Variants in NOS1 observed in about 807,000 individuals in gnomAD.
NOS1 encodes NOS type I.
Under a neutral mutation model 164.5 loss-of-function variants are expected in NOS1, and 51 were observed. That is an observed-to-expected ratio of 0.31 (90% CI 0.25 to 0.39). The LOEUF is 0.39. NOS1 is among the 10% of genes least tolerant of loss of function. The probability of loss-of-function intolerance (pLI) is 1.00; values close to 1 mark genes in which losing one functional copy is unlikely to be tolerated. For synonymous variants in NOS1, 719 were observed against 745.8 expected (o/e 0.96, Z 0.59); for missense variants, 1,362 against 1,885.6 (o/e 0.72, Z 5.14).
Position 117,328,742 on chromosome 12 carries a change from G to C in NOS1, c.725+1603C>G, listed in dbSNP as rs116776368. 2.8e-3 allele frequency among the ~76,000 whole-genome samples: 426 copies of C among 152,210 alleles called. 4 individuals are homozygous for C. The highest frequency in any genetic ancestry group is 9.8e-3 in the African/African-American group (405 of 41,528). ...ATCACGCCCAGCTAATCCCTTTCCT[G>C]CTTTCTTTATCTCCTTTACATATAT... On this transcript the variant is annotated intron_variant, in intron 2 of 28. Coordinates refer to ENST00000317775, the MANE Select transcript of NOS1 (RefSeq NM_000620.5).
chr12:117,234,637 G>T lies in NOS1; in HGVS notation c.3163C>A (p.Arg1055=). 6.2e-7 allele frequency: 1 copy of T among 1,614,158 alleles called. No homozygotes were observed. The highest frequency in any genetic ancestry group is 8.5e-7 in the Non-Finnish European group (1 of 1,180,002). The change falls in exon 21 of 29, where the codon CGG becomes AGG. Residue 1055 remains arginine (R), a synonymous_variant. Transcript: ENST00000317775. This position sits in a 1 kb window ranked among gnomAD's most constrained non-coding sequence, Gnocchi z 4.3. ...HEDLVNALIE[R]LEDAPPVNQM... ...TTGACAGGCGGCGCGTCCTCCAGCC[G>T]CTCGATCAGGGCATTCACGAGGTCC...
Position 117,284,151 on chromosome 12 carries a change from A to C in NOS1, c.1382+1090T>G, listed in dbSNP as rs1210282842. 2.0e-5 allele frequency among the ~76,000 whole-genome samples: 3 copies of C among 152,332 alleles called. No individual in the cohort carries two copies. The East Asian group carries it at 5.8e-4, about 29-fold the overall frequency. ...AAGAAAACCCATGTTTCATGCAAAG[A>C]AGCCACTTTTGGATGAACTCAGTGA... On this transcript the variant is annotated intron_variant, in intron 7 of 28. Transcript: ENST00000317775.
At position 117,209,108 on chromosome 12, in the gene NOS1, A is replaced by C; in HGVS notation, c.*6201T>G. 1 of 985,320 alleles carries C rather than the reference A, an allele frequency of 1.0e-6. No individual in the cohort carries two copies. Among genetic ancestry groups the C allele is most frequent in the Non-Finnish European group, 1.2e-6 (1 of 829,926 alleles). 61.0% of individuals were successfully genotyped at this position (985,320 alleles called of 1,614,324 possible). A position where few individuals can be genotyped will look rare whatever the true frequency, so the allele number is the denominator to read the frequency against. ...ATCCCACTTTGGCAGCAGATAATGG[A>C]AACAACCACTGGGCTAGGCAAAGTT... On this transcript the variant is annotated 3_prime_UTR_variant, in exon 29 of 29. Transcript: ENST00000317775.
Position 117,227,600 on chromosome 12 carries a change from G to A in NOS1, c.3447C>T (p.Pro1149=). ...EYEEWKWGKN[P]TIVEVLEEFP... ...ACTCCTCCAGCACCTCCACGATGGT[G>A]GGGTTCTTGCCCCATTTCCATTCCT... Residue 1149 remains proline (P), a synonymous_variant, in exon 23 of 29, where the codon CCC becomes CCT. Transcript: ENST00000317775. 6.2e-7 allele frequency: 1 copy of A among 1,614,056 alleles called. No homozygotes were observed. The highest frequency in any genetic ancestry group is 8.5e-7 in the Non-Finnish European group (1 of 1,179,952).
intron 1 of NOS1, among the ~76,000 whole-genome samples, chr12:117,343,016 G>A (rs774741717): frequency 6.6e-6 from 1 of 152,114 alleles, no homozygotes; most frequent in Non-Finnish European, 1.5e-5. Flanking sequence ...AGGATTTCCT[G>A]AGAGAGGGAA....
intron 16 of NOS1, chr12:117,256,160 T>C: frequency 2.1e-6 from 1 of 471,102 alleles, no homozygotes; most frequent in Non-Finnish European, 3.7e-6. Context: ...ACTAAGATGC[T>C]GGAGTTGGGC....
At chr12:117,357,007 A>G (rs1012969610) in intron 1 of NOS1, among the ~76,000 whole-genome samples, 2 of 152,186 alleles carry the variant, frequency 1.3e-5, no homozygotes, top group African/African-American at 4.8e-5. Flanking sequence ...CAGAAGTTAT[A>G]CCTGATAGGT....
At chr12:117,251,792 C>A (rs139113890) in intron 17 of NOS1, among the ~76,000 whole-genome samples, 1 of 151,172 alleles carries the variant, frequency 6.6e-6, no homozygotes, top group Admixed American at 6.6e-5. Context: ...AATGCAGTGG[C>A]GCCATCTCGG....
chr12:117,258,437 T>C lies in NOS1; in HGVS notation c.2491A>G (p.Met831Val). Residue 831 changes from methionine (M) to valine (V), a missense_variant, in exon 16 of 29, where the codon ATG becomes GTG. Met to Val is a conservative substitution (Grantham distance 21, BLOSUM62 1). This residue lies in a region of NOS1 where 737 missense variants were observed against 1,030.3 expected (regional missense o/e 0.72). Coordinates refer to ENST00000317775, the MANE Select transcript of NOS1 (RefSeq NM_000620.5). ...ACAGAGTTGGGGTGCCTCATTTCCA[T>C]CAAAGCACAGCCGAATTTCTGGAAG... is the stretch of plus-strand genomic sequence containing the variant. The part of the protein sequence containing the change: ...ENGEKFGCAL[M>V]EMRHPNSVQE... The C allele has an allele frequency of 6.2e-7, 1 of 1,614,140 alleles. No individual in the cohort carries two copies. Among genetic ancestry groups the C allele is most frequent in the Non-Finnish European group, 8.5e-7 (1 of 1,180,014 alleles).
intron 2 of NOS1, among the ~76,000 whole-genome samples, chr12:117,325,079 C>A (rs1351712232): frequency 6.6e-6 from 1 of 152,182 alleles, no homozygotes; most frequent in Non-Finnish European, 1.5e-5. Context: ...CCCCGACTGG[C>A]GTGTGTGTCC....
At chr12:117,217,749 AG>A (rs2135919347) in intron 28 of NOS1, among the ~76,000 whole-genome samples, 2 of 151,748 alleles carry the variant, frequency 1.3e-5, no homozygotes, top group South Asian at 4.2e-4. Flanking sequence ...TCATTACACT[AG>A]GGGGTGCCCC....
Position 117,209,118 on chromosome 12 carries a change from T to C in NOS1, c.*6191A>G, listed in dbSNP as rs1192707361. 1.0e-6 allele frequency: 1 copy of C among 985,340 alleles called. No homozygotes were observed. The highest frequency in any genetic ancestry group is 1.2e-6 in the Non-Finnish European group (1 of 829,938). 61.0% of individuals were successfully genotyped at this position (985,340 alleles called of 1,614,324 possible). ...GGCAGCAGATAATGGAAACAACCACTGGGCTAGGCAAAGTTTCTGCTGCGT... is the reference window on the plus strand; with the variant it reads ...GGCAGCAGATAATGGAAACAACCACCGGGCTAGGCAAAGTTTCTGCTGCGT... On this transcript the variant is annotated 3_prime_UTR_variant, in exon 29 of 29. Transcript: ENST00000317775.
Position 117,232,562 on chromosome 12 carries a change from A to AT in NOS1, c.3236-432dup, listed in dbSNP as rs1268134304. ...CTATATGCCGAGTACTATTATTAGT[A>AT]TTTTATATTAGCTCATTTAATCATC... On this transcript the variant is annotated intron_variant, in intron 21 of 28. Coordinates refer to ENST00000317775, the MANE Select transcript of NOS1 (RefSeq NM_000620.5). Among the ~76,000 whole-genome samples the AT allele has an allele frequency of 2.0e-5, 3 of 152,232 alleles. No homozygotes were observed. In the East Asian group the frequency reaches 5.8e-4, roughly 29 times the overall value.
Position 117,211,198 on chromosome 12 carries a change from T to A in NOS1, c.*4111A>T. 1.3e-5 allele frequency: 12 copies of A among 952,194 alleles called. No homozygotes were observed. The highest frequency in any genetic ancestry group is 1.5e-5 in the Non-Finnish European group (12 of 799,770). 59.0% of individuals were successfully genotyped at this position (952,194 alleles called of 1,614,324 possible). A position where few individuals can be genotyped will look rare whatever the true frequency, so the allele number is the denominator to read the frequency against. ...GTCTCCAACTCCTGACCTCAACTGA[T>A]ACACCCACCTCGGCCTCCCAAAGTG... On this transcript the variant is annotated 3_prime_UTR_variant, in exon 29 of 29. Transcript: ENST00000317775.
rs756625748 is a variant in NOS1 at position 117,234,720 on chromosome 12, C to T, written c.3080G>A (p.Ser1027Asn). The T allele has an allele frequency of 6.8e-6, 11 of 1,613,660 alleles. No homozygotes were observed. The highest frequency in any genetic ancestry group is 5.0e-5 in the Admixed American group (3 of 59,976). ...CCCAGGCTGGTACTGCAGCTCCTGG[C>T]TCCCGTTGGTGTGGAGACGCACGAA... ...TIFVRLHTNGSQELQYQPGDH... is the reference protein window; with the variant it reads ...TIFVRLHTNGNQELQYQPGDH... Residue 1027 changes from serine (S) to asparagine (N), a missense_variant, in exon 21 of 29, where the codon AGC (serine) becomes AAC (asparagine). By Grantham distance (46) the Ser-to-Asn change is conservative. This residue lies in a region of NOS1 where 737 missense variants were observed against 1,030.3 expected (regional missense o/e 0.72). Coordinates refer to ENST00000317775, the MANE Select transcript of NOS1 (RefSeq NM_000620.5). The surrounding 1 kb of genome is among the most constrained non-coding windows in gnomAD (Gnocchi z 4.3).
chr12:117,268,147 G>T lies in NOS1; in HGVS notation c.1840-3C>A. The T allele has an allele frequency of 6.2e-7, 1 of 1,602,978 alleles. No homozygotes were observed. The highest frequency in any genetic ancestry group is 8.5e-7 in the Non-Finnish European group (1 of 1,169,862). ...AAGTTCATCTTCTTGGCCACTTCCT[G>T]AAAGAGGAAGGAAACACAGATATAC... is the stretch of plus-strand genomic sequence containing the variant. On this transcript the variant is annotated splice_polypyrimidine_tract_variant and splice_region_variant and intron_variant, in intron 10 of 28. Transcript: ENST00000317775.
intron 7 of NOS1, among the ~76,000 whole-genome samples, chr12:117,282,930 A>G (rs1358957589): frequency 1.3e-5 from 2 of 151,878 alleles, no homozygotes; most frequent in Non-Finnish European, 2.9e-5. Context: ...ACACACATCT[A>G]TACCTGTACT....
intron 20 of NOS1, among the ~76,000 whole-genome samples, chr12:117,241,346 C>G (rs573929476): frequency 9.3e-5 from 14 of 149,992 alleles, no homozygotes; most frequent in African/African-American, 3.4e-4. Flanking sequence ...TGATTCTTTG[C>G]GCAGCATAGC....
rs894823633 is a variant in NOS1 at position 117,243,165 on chromosome 12, A to G, written c.2962+132T>C. 7.4e-6 allele frequency: 8 copies of G among 1,077,950 alleles called. No individual in the cohort carries two copies. Among genetic ancestry groups the G allele is most frequent in the Non-Finnish European group, 1.1e-5 (8 of 746,766 alleles). The allele number at this position is 1,077,950 out of a possible 1,614,324, so 66.8% of individuals were successfully genotyped here. ...AGTGTGGGAGAGCAGCAAAGTATTC[A>G]TTTTGGTAGGACTGCACTAAAGGGA... On this transcript the variant is annotated intron_variant, in intron 19 of 28. Coordinates refer to ENST00000317775, the MANE Select transcript of NOS1 (RefSeq NM_000620.5). This position sits in a 1 kb window ranked among gnomAD's most constrained non-coding sequence, Gnocchi z 4.3.
Sources: gnomAD v4.1 joint callset for allele counts (sites outside exome capture counted in the v4.1 genomes callset) on GRCh38, gnomAD v4.1.1 for gene constraint, gnomAD v4.1.1 regional missense constraint, Gnocchi (gnomAD v3.1) non-coding constraint, MANE v1.5 for transcripts, NCBI Gene and HGNC (gene_info 2026-07-23, HGNC 2026-07-21) for gene names.